The following AUTS2 variants were observed in gnomAD, a reference collection of about 807,000 sequenced individuals.
AUTS2 encodes activator of transcription and developmental regulator AUTS2.
In AUTS2, 17 loss-of-function variants were observed where a neutral mutation model predicts 112.4. That is an observed-to-expected ratio of 0.15 (90% CI 0.10 to 0.23). The LOEUF (loss-of-function observed/expected upper bound fraction) is 0.23, where lower values mean the gene tolerates loss of function less well. Ranked by LOEUF, AUTS2 falls within the 10% of genes least tolerant of loss-of-function variation. The pLI is 1.00. For synonymous variants in AUTS2, 751 were observed against 702.7 expected (o/e 1.07, Z -1.09); for missense variants, 1,510 against 1,701.6 (o/e 0.89, Z 1.98).
intron 1 of AUTS2, among the ~76,000 whole-genome samples, chr7:69,614,386 C>A (rs1382675426): frequency 1.8e-5 from 1 of 54,380 alleles, no homozygotes; most frequent in Non-Finnish European, 4.2e-5. Context: ...GATGGGATCT[C>A]ACTCTGTTTC....
intron 6 of AUTS2, among the ~76,000 whole-genome samples, chr7:70,756,436 TA>T (rs60593618): frequency 0.02 from 3,087 of 152,156 alleles, 113 homozygotes; most frequent in African/African-American, 0.07. Flanking sequence ...CCCAGCATAA[TA>T]ATAAGAAATA....
chr7:70,419,924 C>T (rs73175915), intron 4 of AUTS2, among the ~76,000 whole-genome samples: 9,642 of 152,102 alleles, frequency 0.063, 350 homozygotes, highest in African/African-American at 0.1. Flanking sequence ...GTGAATTGAC[C>T]TCTTTGCTTT....
At chr7:69,957,357 A>G (rs1797257624) in intron 2 of AUTS2, among the ~76,000 whole-genome samples, 1 of 152,072 alleles carries the variant, frequency 6.6e-6, no homozygotes, top group Non-Finnish European at 1.5e-5. Context: ...CAGACAAAAA[A>G]TTGAAGCTAT....
At chr7:69,992,861 G>T (rs1798795980) in intron 2 of AUTS2, among the ~76,000 whole-genome samples, 1 of 152,130 alleles carries the variant, frequency 6.6e-6, no homozygotes, top group Non-Finnish European at 1.5e-5. Flanking sequence ...CTCCAGCCTG[G>T]GTTACAAAGT....
At chr7:69,775,649 G>A (rs1477102013) in intron 1 of AUTS2, among the ~76,000 whole-genome samples, 1 of 152,164 alleles carries the variant, frequency 6.6e-6, no homozygotes, top group Non-Finnish European at 1.5e-5. Flanking sequence ...CCTTCATTCC[G>A]CAGCACACAT....
intron 5 of AUTS2, among the ~76,000 whole-genome samples, chr7:70,571,240 G>A (rs907236409): frequency 6.6e-6 from 1 of 152,156 alleles, no homozygotes; most frequent in Non-Finnish European, 1.5e-5. Context: ...TAGAACTTTG[G>A]GTGGATTTCT....
At chr7:69,986,001 G>A (rs1350151944) in intron 2 of AUTS2, among the ~76,000 whole-genome samples, 2 of 152,004 alleles carry the variant, frequency 1.3e-5, no homozygotes, top group East Asian at 1.9e-4. Context: ...GGGCTTAAGC[G>A]ATCCTCCCGC....
intron 1 of AUTS2, chr7:69,825,953 C>G (rs1791223289): frequency 6.6e-6 from 1 of 152,216 alleles, no homozygotes; most frequent in Non-Finnish European, 1.5e-5. Context: ...GTTCTGCACT[C>G]CAACTGGAAA....
chr7:69,656,319 C>T (rs995463948), intron 1 of AUTS2, among the ~76,000 whole-genome samples: 1 of 152,186 alleles, frequency 6.6e-6, no homozygotes, highest in Admixed American at 6.5e-5. Flanking sequence ...AGTGAATTCT[C>T]GAGTGGTATT....
intron 6 of AUTS2, among the ~76,000 whole-genome samples, chr7:70,743,959 T>C (rs1788279293): frequency 6.6e-6 from 1 of 152,094 alleles, no homozygotes; most frequent in Non-Finnish European, 1.5e-5. Flanking sequence ...GGTTAAAGTG[T>C]GGATGGAGGG....
At chr7:70,754,333 A>G (rs189667084) in intron 6 of AUTS2, among the ~76,000 whole-genome samples, 38 of 152,288 alleles carry the variant, frequency 2.5e-4, no homozygotes, top group African/African-American at 8.9e-4. Flanking sequence ...TCTACAAAAT[A>G]TAAACAATTA....
At chr7:70,677,031 TCTC>T (rs1194598985) in intron 5 of AUTS2, among the ~76,000 whole-genome samples, 2 of 152,190 alleles carry the variant, frequency 1.3e-5, no homozygotes, top group Admixed American at 1.3e-4. Context: ...TTCTAACAAT[TCTC>T]CTGCTATTCA....
chr7:69,884,889 G>C (rs1584391620), intron 1 of AUTS2, among the ~76,000 whole-genome samples: 1 of 152,268 alleles, frequency 6.6e-6, no homozygotes, highest in Middle Eastern at 3.4e-3. Flanking sequence ...GAGTTTATTT[G>C]GTCTATGTCT....
At chr7:69,708,741 A>G (rs2129198306) in intron 1 of AUTS2, among the ~76,000 whole-genome samples, 1 of 152,342 alleles carries the variant, frequency 6.6e-6, no homozygotes, top group East Asian at 1.9e-4. Flanking sequence ...ATGAAGAAAG[A>G]CATGTTTTTG....
chr7:70,290,279 G>C (rs1788648988), intron 4 of AUTS2: 26 of 1,258,576 alleles, frequency 2.1e-5, no homozygotes, highest in Non-Finnish European at 2.6e-5. Flanking sequence ...AATTACCAAT[G>C]ATGTAAAAAA....
chr7:70,228,116 T>A (rs1325726556), intron 4 of AUTS2, among the ~76,000 whole-genome samples: 2 of 151,970 alleles, frequency 1.3e-5, no homozygotes, highest in Non-Finnish European at 2.9e-5. Context: ...TATCCATGTA[T>A]ATCATTGTAT....
intron 4 of AUTS2, among the ~76,000 whole-genome samples, chr7:70,282,981 C>T (rs1456405429): frequency 6.6e-6 from 1 of 152,098 alleles, no homozygotes; most frequent in Non-Finnish European, 1.5e-5. Flanking sequence ...AACATAGCAG[C>T]TTCTATATAG....
At chr7:70,008,755 G>C (rs1271084058) in intron 2 of AUTS2, among the ~76,000 whole-genome samples, 1 of 152,150 alleles carries the variant, frequency 6.6e-6, no homozygotes, top group African/African-American at 2.4e-5. Flanking sequence ...AGATTTTGCT[G>C]TTAATATCAC....
At chr7:70,051,353 A>G (rs1224037597) in intron 2 of AUTS2, among the ~76,000 whole-genome samples, 1 of 152,234 alleles carries the variant, frequency 6.6e-6, no homozygotes, top group Non-Finnish European at 1.5e-5. Context: ...GAAAGAAATG[A>G]GAGAACATTA....
Sources: gnomAD v4.1 joint callset for allele counts (sites outside exome capture counted in the v4.1 genomes callset) on GRCh38, gnomAD v4.1.1 for gene constraint, MANE v1.5 for transcripts, NCBI Gene and HGNC (gene_info 2026-07-23, HGNC 2026-07-21) for gene names.